The following ACOXL variants were observed in gnomAD, a reference collection of about 807,000 sequenced individuals.
ACOXL encodes acyl-CoA oxidase like, also known as acyl-coenzyme A oxidase-like protein.
A neutral mutation model predicts 71.9 loss-of-function variants in ACOXL; 70 were observed. That is an observed-to-expected ratio of 0.97 (90% confidence interval 0.80 to 1.19). The LOEUF is 1.19. ACOXL is among the 50% of genes most tolerant of loss of function. The pLI, the probability that ACOXL is intolerant of heterozygous loss-of-function variation, is 0.00. For missense variants in ACOXL, 703 were observed against 736.3 expected (o/e 0.95, Z 0.52); for synonymous variants, 253 against 281.6 (o/e 0.90, Z 1.02).
chr2:110,834,240 A>T (rs532808233), intron 9 of ACOXL, among the ~76,000 whole-genome samples: 76 of 152,306 alleles, frequency 5.0e-4, no homozygotes, highest in Admixed American at 4.3e-3. Flanking sequence ...TTTACCACTG[A>T]ATGTTCCAGA....
chr2:110,818,417 A>ATGTGTGTG (rs1405102852), intron 9 of ACOXL, among the ~76,000 whole-genome samples: 8 of 139,316 alleles, frequency 5.7e-5, no homozygotes, highest in African/African-American at 2.3e-4. Flanking sequence ...AAACATATAT[A>ATGTGTGTG]TATATATGTG....
intron 9 of ACOXL, among the ~76,000 whole-genome samples, chr2:110,830,466 A>G (rs1689685414): frequency 6.6e-6 from 1 of 152,024 alleles, no homozygotes; most frequent in African/African-American, 2.4e-5. Context: ...CATACTTCAT[A>G]GAAAACTTCA....
intron 16 of ACOXL, among the ~76,000 whole-genome samples, chr2:111,066,389 A>G (rs1010276648): frequency 4.6e-5 from 7 of 152,192 alleles, no homozygotes; most frequent in African/African-American, 1.7e-4. Flanking sequence ...AGATGTTTGC[A>G]GAAAGAGGAA....
chr2:110,805,339 G>T lies in ACOXL; in HGVS notation c.697G>T (p.Ala233Ser), dbSNP rs201243594. 5.0e-6 allele frequency: 8 copies of T among 1,614,238 alleles called. No homozygotes were observed. The highest frequency in any genetic ancestry group is 6.8e-6 in the Non-Finnish European group (8 of 1,180,046). ...GAGTGCAAGATTCAATGCCATGCTG[G>T]CAGCACTGACCCCTTCGAGATTAGC... ...NKSARFNAML[A>S]ALTPSRLAVA... Residue 233 changes from alanine (A) to serine (S), a missense_variant, in exon 9 of 18, where the codon GCA (alanine) becomes TCA (serine). Physicochemically the swap from Ala to Ser is moderately conservative, Grantham distance 99 (BLOSUM62 1). Transcript: ENST00000439055.
intron 17 of ACOXL, among the ~76,000 whole-genome samples, chr2:111,112,015 C>T (rs2070003854): frequency 6.6e-6 from 1 of 152,060 alleles, no homozygotes; most frequent in South Asian, 2.1e-4. Flanking sequence ...AAATTTTCTT[C>T]AAGTTTAATT....
Position 110,987,218 on chromosome 2 carries a change from G to C in ACOXL, c.1169+1G>C, listed in dbSNP as rs957636288. ...CTGTGGGGGACAAGCTGAGAACCAG[G>C]TACGTATTACTCAGGCCATCATCAT... On this transcript the variant is annotated splice_donor_variant, in intron 13 of 17. Transcript: ENST00000439055. LOFTEE classifies it high-confidence loss of function. 2 of 1,566,308 alleles carry C rather than the reference G, an allele frequency of 1.3e-6. No homozygotes were observed. Among genetic ancestry groups the C allele is most frequent in the African/African-American group, 2.7e-5 (2 of 74,008 alleles).
intron 1 of ACOXL, among the ~76,000 whole-genome samples, chr2:110,734,638 C>G (rs1676610809): frequency 6.6e-6 from 1 of 152,104 alleles, no homozygotes; most frequent in Non-Finnish European, 1.5e-5. Flanking sequence ...TGATTAGACA[C>G]ACATCCCCTC....
At chr2:110,865,089 T>TA (rs1287665095) in intron 10 of ACOXL, among the ~76,000 whole-genome samples, 1 of 152,216 alleles carries the variant, frequency 6.6e-6, no homozygotes, top group Non-Finnish European at 1.5e-5. Flanking sequence ...TGAAAGGACT[T>TA]AAAAAATCAG....
At position 110,801,653 on chromosome 2, in the gene ACOXL, T is replaced by A. The variant is rs1003950192; in HGVS notation, c.549T>A (p.Gly183=). Reference sequence around the variant, plus strand: ...ATTTCCCCTTTCTATTCTTGCCAGGTCTGCATGGTGTGGACAATGGGATAT... The same window carrying A: ...ATTTCCCCTTTCTATTCTTGCCAGGACTGCATGGTGTGGACAATGGGATAT... ...VTAIDMMYKE[G]LHGVDNGILI... is the part of the protein sequence containing the mutation. The change falls in exon 8 of 18, where the codon GGT becomes GGA. Residue 183 remains glycine, a splice_region_variant and synonymous_variant. Transcript: ENST00000439055. The A allele has an allele frequency of 6.2e-7, 1 of 1,613,894 alleles. No homozygotes were observed. The highest frequency in any genetic ancestry group is 1.3e-5 in the African/African-American group (1 of 74,926).
intron 17 of ACOXL, among the ~76,000 whole-genome samples, chr2:111,116,897 G>A (rs1170243017): frequency 6.6e-6 from 1 of 152,126 alleles, no homozygotes; most frequent in African/African-American, 2.4e-5. Context: ...ACACTGACTT[G>A]CATCTCCCTC....
intron 10 of ACOXL, among the ~76,000 whole-genome samples, chr2:110,891,062 T>TCA (rs1553416215): frequency 6.6e-6 from 1 of 152,150 alleles, no homozygotes; most frequent in South Asian, 2.1e-4. Context: ...GCTTTTTAAT[T>TCA]TTTGGATTGT....
rs142447287 is a variant in ACOXL at position 110,777,025 on chromosome 2, C to T, written c.76-7707C>T. Among the ~76,000 whole-genome samples the T allele has an allele frequency of 1.1e-3, 160 of 151,970 alleles. 1 individual carries two copies. Among genetic ancestry groups the T allele is most frequent in the Middle Eastern group, 3.4e-3 (1 of 294 alleles). On this transcript the variant is annotated intron_variant, in intron 2 of 17. Coordinates refer to ENST00000439055, the MANE Select transcript of ACOXL (RefSeq NM_001142807.4). ...GGAGTGAGAGAGGGGAAAGAAAATGCGATTCCCTGGTATTTGGTCTGAGCA... is the reference window on the plus strand; with the variant it reads ...GGAGTGAGAGAGGGGAAAGAAAATGTGATTCCCTGGTATTTGGTCTGAGCA...
intron 14 of ACOXL, among the ~76,000 whole-genome samples, chr2:111,005,942 G>A (rs1195941010): frequency 6.6e-6 from 1 of 152,190 alleles, no homozygotes; most frequent in Non-Finnish European, 1.5e-5. Context: ...GAGAGTGATA[G>A]CAGCCATTCT....
intron 1 of ACOXL, among the ~76,000 whole-genome samples, chr2:110,746,800 C>G (rs886326822): frequency 3.3e-5 from 5 of 151,934 alleles, no homozygotes; most frequent in East Asian, 1.9e-4. Flanking sequence ...TCGGCCTCCC[C>G]CTTTCCCCCT....
At chr2:110,939,422 A>C (rs2060787487) in intron 12 of ACOXL, among the ~76,000 whole-genome samples, 1 of 151,962 alleles carries the variant, frequency 6.6e-6, no homozygotes, top group Non-Finnish European at 1.5e-5. Context: ...AAATTTTAGA[A>C]CCCCCCTAAT....
chr2:111,065,376 A>T (rs2067014386), intron 16 of ACOXL, among the ~76,000 whole-genome samples: 1 of 152,258 alleles, frequency 6.6e-6, no homozygotes, highest in South Asian at 2.1e-4. Flanking sequence ...TAGATCATGG[A>T]CTTAAATGTA....
chr2:110,871,546 G>C (rs1292046684), intron 10 of ACOXL, among the ~76,000 whole-genome samples: 1 of 151,982 alleles, frequency 6.6e-6, no homozygotes, highest in African/African-American at 2.4e-5. Flanking sequence ...TTACTGGTTG[G>C]GGATGTGGCT....
chr2:110,809,239 A>G (rs943821365), intron 9 of ACOXL, among the ~76,000 whole-genome samples: 12 of 152,000 alleles, frequency 7.9e-5, no homozygotes, highest in Admixed American at 2.0e-4. Flanking sequence ...ATGTGTACAC[A>G]CTCGTGCATT....
intron 17 of ACOXL, among the ~76,000 whole-genome samples, chr2:111,116,320 G>A (rs997338182): frequency 6.6e-6 from 1 of 152,202 alleles, no homozygotes; most frequent in Non-Finnish European, 1.5e-5. Flanking sequence ...TAACCACAGT[G>A]TGTGAAGAAT....
Sources: gnomAD v4.1 joint callset for allele counts (sites outside exome capture counted in the v4.1 genomes callset) on GRCh38, gnomAD v4.1.1 for gene constraint, MANE v1.5 for transcripts, NCBI Gene and HGNC (gene_info 2026-07-23, HGNC 2026-07-21) for gene names.